Variants in TUSC3 observed in about 807,000 individuals in gnomAD.
The protein encoded by TUSC3 is tumor suppressor candidate 3, also known as dolichyl-diphosphooligosaccharide--protein glycosyltransferase subunit TUSC3.
TUSC3 carries 45 observed loss-of-function variants against 44.8 expected under a neutral mutation model. The observed-to-expected ratio is 1.00, with a 90% CI of 0.79 to 1.29. The LOEUF (loss-of-function observed/expected upper bound fraction) is 1.29. TUSC3 is among the 50% of genes most tolerant of loss of function. The pLI, the probability that TUSC3 is intolerant of heterozygous loss-of-function variation, is 0.00. For synonymous variants in TUSC3, 212 were observed against 152.9 expected, an observed-to-expected ratio of 1.39 and a Z score of -2.85; for missense variants, 519 against 437.9, an observed-to-expected ratio of 1.19 and a Z score of -1.65.
the TUSC3 span, among the ~76,000 whole-genome samples, chr8:15,809,869 C>A: frequency 2.0e-5 from 3 of 152,170 alleles, no homozygotes; most frequent in Non-Finnish European, 4.4e-5. Flanking sequence ...AACATTCAGT[C>A]CTACATCCCT....
At chr8:15,797,136 C>T in the TUSC3 span, among the ~76,000 whole-genome samples, 1 of 152,206 alleles carries the variant, frequency 6.6e-6, no homozygotes, top group Non-Finnish European at 1.5e-5. Context: ...AGTAGCAAAT[C>T]ACTGGTCACT....
At chr8:15,805,917 G>A in the TUSC3 span, among the ~76,000 whole-genome samples, 2 of 152,102 alleles carry the variant, frequency 1.3e-5, no homozygotes, top group African/African-American at 2.4e-5. Context: ...GAGGATCAAG[G>A]TATGTTTGAA....
At chr8:15,793,629 TTA>T in the TUSC3 span, among the ~76,000 whole-genome samples, 323 of 152,312 alleles carry the variant, frequency 2.1e-3, no homozygotes, top group South Asian at 2.9e-3. Flanking sequence ...CTTTGTTTAT[TTA>T]TTTACATAAT....
At chr8:15,545,464 TC>T (rs1203185643) in intron 1 of TUSC3, among the ~76,000 whole-genome samples, 1 of 151,730 alleles carries the variant, frequency 6.6e-6, no homozygotes, top group Non-Finnish European at 1.5e-5. Flanking sequence ...CACTCATTTT[TC>T]TGGAGGGGGA....
chr8:15,630,425 A>T (rs73195107), intron 2 of TUSC3, among the ~76,000 whole-genome samples: 28,293 of 151,846 alleles, frequency 0.19, 2,619 homozygotes, highest in South Asian at 0.26. Context: ...ACTATTGGGG[A>T]CGCTATGTTA....
At position 15,504,549 on chromosome 8, in the gene TUSC3, A is replaced by G. The variant is rs188565827; in HGVS notation, n.189+21066A>G. On this transcript the variant is annotated intron_variant and non_coding_transcript_variant, in intron 2 of 5. Coordinates refer to the TUSC3 transcript ENST00000503191. ...CCAAACAGAATTCCTATTTTGTTCT[A>G]TTTTAATCCTATTAAAGGCAACTTT... 4.4e-4 allele frequency among the ~76,000 whole-genome samples: 54 copies of G among 122,944 alleles called. No homozygotes were observed. The Admixed American group carries it at 4.7e-3, about 11-fold the overall frequency. 80.7% of individuals were successfully genotyped at this position (122,944 alleles called of 152,430 possible).
intron 1 of TUSC3, among the ~76,000 whole-genome samples, chr8:15,621,993 A>G (rs1805268459): frequency 1.3e-5 from 2 of 152,168 alleles, no homozygotes; most frequent in South Asian, 4.1e-4. Flanking sequence ...TTAACTCAGG[A>G]TAAGATGTCT....
At chr8:15,614,055 C>G (rs1344384224) in intron 1 of TUSC3, among the ~76,000 whole-genome samples, 2 of 148,870 alleles carry the variant, frequency 1.3e-5, no homozygotes, top group Non-Finnish European at 3.0e-5. Context: ...GTTAAGAACT[C>G]CATGAAGGAT....
chr8:15,471,684 C>G (rs1201430881), intron 1 of TUSC3, among the ~76,000 whole-genome samples: 2 of 149,404 alleles, frequency 1.3e-5, no homozygotes. Context: ...ATCGTGTGAT[C>G]TCAGCTCACT....
intron 2 of TUSC3, among the ~76,000 whole-genome samples, chr8:15,534,242 T>C (rs565260105): frequency 3.8e-4 from 58 of 152,214 alleles, no homozygotes; most frequent in African/African-American, 1.4e-3. Context: ...TTGGCATTAT[T>C]TAAAGAGTCC....
chr8:15,471,763 G>C (rs1318078506), intron 1 of TUSC3, among the ~76,000 whole-genome samples: 1 of 151,974 alleles, frequency 6.6e-6, no homozygotes, highest in Non-Finnish European at 1.5e-5. Context: ...GATTGCAGGT[G>C]CTCACCAACA....
rs139909479 is a variant in TUSC3, at chr8:15,602,499, T to G, written c.139-20581T>G. Among the ~76,000 whole-genome samples the G allele has an allele frequency of 1.5e-3, 234 of 151,686 alleles. 1 individual carries two copies. The highest frequency in any genetic ancestry group is 5.4e-3 in the African/African-American group (222 of 41,478). ...GTGTTTATTTAGAGGTGATTTCTCT[T>G]GGTGGAAGGAGGAAGTAATGCAGAG... On this transcript the variant is annotated intron_variant, in intron 1 of 10. Coordinates refer to ENST00000503731, the MANE Select transcript of TUSC3 (RefSeq NM_006765.4).
At chr8:15,584,523 C>G (rs1803513691) in intron 1 of TUSC3, among the ~76,000 whole-genome samples, 1 of 152,236 alleles carries the variant, frequency 6.6e-6, no homozygotes, top group Admixed American at 6.5e-5. Context: ...GGAAAACTAA[C>G]AAGAGCAATA....
chr8:15,572,256 C>G (rs2129143601), intron 1 of TUSC3, among the ~76,000 whole-genome samples: 1 of 152,312 alleles, frequency 6.6e-6, no homozygotes, highest in South Asian at 2.1e-4. Context: ...AGCATAAACA[C>G]TTGCTGCTTC....
chr8:15,796,411 A>T, the TUSC3 span, among the ~76,000 whole-genome samples: 1 of 152,194 alleles, frequency 6.6e-6, no homozygotes, highest in Non-Finnish European at 1.5e-5. Context: ...CACCTAGGCC[A>T]CTGGGAACAG....
intron 1 of TUSC3, among the ~76,000 whole-genome samples, chr8:15,481,407 C>G (rs373245626): frequency 4.3e-4 from 65 of 152,236 alleles, no homozygotes; most frequent in Non-Finnish European, 7.4e-5. Flanking sequence ...CTTGTTCCCT[C>G]TTTTGCTCTT....
intron 1 of TUSC3, among the ~76,000 whole-genome samples, chr8:15,444,592 T>A (rs1213554174): frequency 6.6e-6 from 1 of 152,062 alleles, no homozygotes; most frequent in Non-Finnish European, 1.5e-5. Flanking sequence ...TTAGCAAGAT[T>A]CTTGCTTAAA....
chr8:15,736,224 G>T (rs1232276848), intron 7 of TUSC3, among the ~76,000 whole-genome samples: 1 of 152,088 alleles, frequency 6.6e-6, no homozygotes, highest in Non-Finnish European at 1.5e-5. Flanking sequence ...AAAGGAAGAG[G>T]AAGACACACA....
At chr8:15,421,660 G>A (rs747938122) in intron 1 of TUSC3, among the ~76,000 whole-genome samples, 1 of 152,046 alleles carries the variant, frequency 6.6e-6, no homozygotes, top group Admixed American at 6.6e-5. Context: ...CCACTAATGG[G>A]ACAGTGGGAA....
Sources: allele counts gnomAD v4.1 joint callset (sites outside exome capture counted in the v4.1 genomes callset), GRCh38; gene constraint gnomAD v4.1.1; transcripts MANE v1.5; gene names NCBI Gene and HGNC (gene_info 2026-07-23, HGNC 2026-07-21).